RINL: variants seen among roughly 807,000 people sequenced by gnomAD.
The protein encoded by RINL is ras and Rab interactor-like protein.
In RINL, 39 loss-of-function variants were observed where a neutral mutation model predicts 58.1. The ratio of observed to expected loss-of-function variants is 0.67; its 90% CI spans 0.52 to 0.88. The LOEUF (loss-of-function observed/expected upper bound fraction) is 0.88, where lower values mean the gene tolerates loss of function less well. Among genes scored for constraint, RINL ranks in the 40% least tolerant of loss-of-function variants. The probability of loss-of-function intolerance (pLI) is 0.00; values close to 1 mark genes in which losing one functional copy is unlikely to be tolerated. For missense variants in RINL, 711 were observed against 749.2 expected, an observed-to-expected ratio of 0.95 and a Z score of 0.60; for synonymous variants, 286 against 323.1, an observed-to-expected ratio of 0.89 and a Z score of 1.23.
Position 38,868,835 on chromosome 19 carries a change from C to T in RINL, c.*269G>A, listed in dbSNP as rs1396518452. The T allele has an allele frequency of 2.8e-5, 11 of 389,996 alleles. No homozygotes were observed. Among genetic ancestry groups the T allele is most frequent in the Non-Finnish European group, 4.7e-5 (10 of 213,840 alleles). 24.2% of individuals were successfully genotyped at this position (389,996 alleles called of 1,614,324 possible). On this transcript the variant is annotated 3_prime_UTR_variant, in exon 12 of 12. Transcript: ENST00000591812. ...TAATACCCACTCTGCTCCTCCCTTC[C>T]CCTCCCCTCCTTCAGGCCTTTCTGC...
At chr19:38,871,279 T>C in intron 6 of RINL, 52 bp from the exon 7 acceptor site, 4 of 1,605,320 alleles carry the variant, frequency 2.5e-6, no homozygotes, top group Non-Finnish European at 3.4e-6. Context: ...GGACCAACCC[T>C]GGTCCCCTCA....
chr19:38,872,348 T>C (rs947407231), intron 4 of RINL, among the ~76,000 whole-genome samples: 4 of 150,368 alleles, frequency 2.7e-5, no homozygotes, highest in Admixed American at 2.7e-4. Context: ...TAGCTGGGCA[T>C]GGTGGTGGGC....
In RINL at chr19:38,876,682, A is replaced by G; in HGVS notation, c.50+11T>C. ...GGAAGGAGGGCATAGCCTCAGCCCTAGTAGCCTCACCTCACCCCCTCTGTG... is the reference window on the plus strand; with the variant it reads ...GGAAGGAGGGCATAGCCTCAGCCCTGGTAGCCTCACCTCACCCCCTCTGTG... On this transcript the variant is annotated intron_variant, in intron 2 of 11. Transcript: ENST00000591812. 1.3e-6 allele frequency: 2 copies of G among 1,535,486 alleles called. No homozygotes were observed. Among genetic ancestry groups the G allele is most frequent in the Non-Finnish European group, 1.7e-6 (2 of 1,146,326 alleles).
In RINL at chr19:38,869,777, C is replaced by G; in HGVS notation, c.1343-73G>C. 6.3e-7 allele frequency: 1 copy of G among 1,595,522 alleles called. No homozygotes were observed. The highest frequency in any genetic ancestry group is 1.1e-5 in the South Asian group (1 of 90,040). On this transcript the variant is annotated intron_variant, in intron 9 of 11. Coordinates refer to ENST00000591812, the MANE Select transcript of RINL (RefSeq NM_001195833.2). The surrounding 1 kb of genome is among the most constrained non-coding windows in gnomAD (Gnocchi z 5.7). Reference sequence around the variant, plus strand: ...CGCGTAGACACCTTCCATCCGATCCCCAGGACCACGAGGGCTGGCTGCCCC... The same window carrying G: ...CGCGTAGACACCTTCCATCCGATCCGCAGGACCACGAGGGCTGGCTGCCCC...
Position 38,876,349 on chromosome 19 carries a change from C to T in RINL, c.192G>A (p.Val64=), listed in dbSNP as rs1972924118. ...ELDTQDAEAL[V]GLWPLGSFLV... ...TACTCACCCCTAGTGGCCACAGCCC[C>T]ACAAGGGCCTCCGCATCCTGGGTAT... Residue 64 remains valine, a synonymous_variant, in exon 3 of 12, where the codon GTG becomes GTA. Coordinates refer to ENST00000591812, the MANE Select transcript of RINL (RefSeq NM_001195833.2). 6.5e-7 allele frequency: 1 copy of T among 1,535,992 alleles called. No individual in the cohort carries two copies. Among genetic ancestry groups the T allele is most frequent in the Non-Finnish European group, 8.7e-7 (1 of 1,146,886 alleles).
chr19:38,869,378 G>T lies in RINL; in HGVS notation c.1507C>A (p.Leu503Met). The T allele has an allele frequency of 1.2e-6, 2 of 1,610,780 alleles. No homozygotes were observed. The highest frequency in any genetic ancestry group is 1.7e-6 in the Non-Finnish European group (2 of 1,177,752). Residue 503 changes from leucine to methionine, a missense_variant, in exon 11 of 12, where the codon CTG (leucine) becomes ATG (methionine). By Grantham distance (15) the Leu-to-Met change is conservative. Coordinates refer to ENST00000591812, the MANE Select transcript of RINL (RefSeq NM_001195833.2). The surrounding 1 kb of genome is among the most constrained non-coding windows in gnomAD (Gnocchi z 5.7). ...GGCTGGTAGTGGGCAATGTGGTGCA[G>T]CGCCCCAAACCACGTGGTCAGGTAG... ...GYYLTTWFGA[L>M]HHIAHYQPET...
intron 3 of RINL, among the ~76,000 whole-genome samples, chr19:38,875,174 A>G (rs1312240541): frequency 6.6e-6 from 1 of 150,434 alleles, no homozygotes; most frequent in East Asian, 1.9e-4. Context: ...AAAATTAAAA[A>G]TATTGCTACC....
In RINL at chr19:38,869,476, A is replaced by C. The variant is rs1600088424; in HGVS notation, c.1475-66T>G. On this transcript the variant is annotated intron_variant, in intron 10 of 11. Transcript: ENST00000591812. This position sits in a 1 kb window ranked among gnomAD's most constrained non-coding sequence, Gnocchi z 5.7. ...CCCTGGTCGCCCCAAATCCCCCTGC[A>C]GTTTGCCTGCCGTCCCTCCTGCTGC... 3 of 1,581,678 alleles carry C rather than the reference A, an allele frequency of 1.9e-6. No individual in the cohort carries two copies. In the South Asian group the frequency reaches 3.4e-5, roughly 18 times the overall value.
intron 4 of RINL, 171 bp downstream of exon 4, chr19:38,873,715 G>T: frequency 1.9e-6 from 1 of 514,560 alleles, no homozygotes; most frequent in Non-Finnish European, 3.5e-6. Context: ...TTGTAGAGAC[G>T]GGGTTTTGCC....
chr19:38,872,731 G>A (rs2144644124), intron 4 of RINL, among the ~76,000 whole-genome samples: 1 of 152,192 alleles, frequency 6.6e-6, no homozygotes, highest in East Asian at 1.9e-4. Context: ...AAAATTGGGA[G>A]GTGGGGGCCT....
Position 38,870,136 on chromosome 19 carries a change from C to T in RINL, c.1149G>A (p.Leu383=). ...CCCCCGGAGGCCCCGCCCCCGCCCGCAGGGCTGTCTGTCGCCGCCGCAGCC... is the reference window on the plus strand; with the variant it reads ...CCCCCGGAGGCCCCGCCCCCGCCCGTAGGGCTGTCTGTCGCCGCCGCAGCC... ...LRRLRRRQTA[L]RAGAGPPGAQ... The change falls in exon 9 of 12, where the codon CTG becomes CTA. Residue 383 remains leucine, a synonymous_variant. Coordinates refer to ENST00000591812, the MANE Select transcript of RINL (RefSeq NM_001195833.2). This position sits in a 1 kb window ranked among gnomAD's most constrained non-coding sequence, Gnocchi z 5.8. 1 of 1,416,698 alleles carries T rather than the reference C, an allele frequency of 7.1e-7. No individual in the cohort carries two copies. Among genetic ancestry groups the T allele is most frequent in the East Asian group, 2.9e-5 (1 of 34,304 alleles). The allele number at this position is 1,416,698 out of a possible 1,614,324, so 87.8% of individuals were successfully genotyped here.
At chr19:38,872,469 A>G (rs1972835491) in intron 4 of RINL, among the ~76,000 whole-genome samples, 1 of 152,042 alleles carries the variant, frequency 6.6e-6, no homozygotes, top group African/African-American at 2.4e-5. Flanking sequence ...CTGGGCGACA[A>G]AAGTGAGACT....
chr19:38,870,523 G>T lies in RINL; in HGVS notation c.1024+47C>A, dbSNP rs1322997217. On this transcript the variant is annotated intron_variant, in intron 8 of 11. Transcript: ENST00000591812. This position sits in a 1 kb window ranked among gnomAD's most constrained non-coding sequence, Gnocchi z 5.8. Reference sequence around the variant, plus strand: ...TGTGCGCACCGATGGAGAGGACGAAGTTGCACACTTGAACCCGTGGGGGCT... The same window carrying T: ...TGTGCGCACCGATGGAGAGGACGAATTTGCACACTTGAACCCGTGGGGGCT... 2 of 1,509,846 alleles carry T rather than the reference G, an allele frequency of 1.3e-6. 1 individual carries two copies. Among genetic ancestry groups the T allele is most frequent in the South Asian group, 2.7e-5 (2 of 74,274 alleles). The allele number at this position is 1,509,846 out of a possible 1,614,324, so 93.5% of individuals were successfully genotyped here.
At chr19:38,875,226 T>C (rs182737464) in intron 3 of RINL, among the ~76,000 whole-genome samples, 13,175 of 148,852 alleles carry the variant, frequency 0.089, 590 homozygotes, top group South Asian at 0.19. Context: ...TTTTTTTTTT[T>C]TTTTAATAGA....
chr19:38,870,754 G>C lies in RINL; in HGVS notation c.840C>G (p.Ser280Arg), dbSNP rs765167795. The change falls in exon 8 of 12, where the codon AGC becomes AGG. Residue 280 changes from serine to arginine, a missense_variant. Coordinates refer to ENST00000591812, the MANE Select transcript of RINL (RefSeq NM_001195833.2). The surrounding 1 kb of genome is among the most constrained non-coding windows in gnomAD (Gnocchi z 5.8). ...RSSYVARQYR[S>R]LRVRIASDSG... Reference sequence around the variant, plus strand: ...AATCTGAGGCGATGCGCACCCGAAGGCTTCGGTACTGCCTGGCCACGTAGC... The same window carrying C: ...AATCTGAGGCGATGCGCACCCGAAGCCTTCGGTACTGCCTGGCCACGTAGC... 6.2e-7 allele frequency: 1 copy of C among 1,613,278 alleles called. No homozygotes were observed. Among genetic ancestry groups the C allele is most frequent in the South Asian group, 1.1e-5 (1 of 91,082 alleles).
intron 4 of RINL, among the ~76,000 whole-genome samples, chr19:38,873,037 C>T (rs576237832): frequency 4.6e-5 from 7 of 151,926 alleles, no homozygotes; most frequent in Non-Finnish European, 7.4e-5. Context: ...CACTGCACTC[C>T]GCCTGAGCGA....
Position 38,873,620 on chromosome 19 carries a change from G to C in RINL, c.313+266C>G, listed in dbSNP as rs1237760125. 3 of 304,542 alleles carry C rather than the reference G, an allele frequency of 9.9e-6. No homozygotes were observed. The East Asian group carries it at 2.0e-4, about 20-fold the overall frequency. The allele number at this position is 304,542 out of a possible 1,614,324, so 18.9% of individuals were successfully genotyped here. A position where few individuals can be genotyped will look rare whatever the true frequency, so the allele number is the denominator to read the frequency against. On this transcript the variant is annotated intron_variant, in intron 4 of 11. Transcript: ENST00000591812. ...GGCTCACTGCAACCTCTGCCTCCTG[G>C]GTTCAAGCTATTCTCGTGCCTCGGC...
In RINL at chr19:38,873,894, A is replaced by G. The variant is rs1387059864; in HGVS notation, c.305T>C (p.Ile102Thr). Residue 102 changes from isoleucine (I) to threonine (T), a missense_variant, in exon 4 of 12, where the codon ATT becomes ACT. Transcript: ENST00000591812. ...CAGGGGAGGTGCCTTACCTCTGGGA[A>G]TCTTCTGGATCTGGTAGGTATTGAC... is the stretch of plus-strand genomic sequence containing the variant. ...GEVNTYQIQK[I>T]PRGVSLESSN... 6 of 1,530,898 alleles carry G rather than the reference A, an allele frequency of 3.9e-6. No individual in the cohort carries two copies. The highest frequency in any genetic ancestry group is 3.9e-5 in the Admixed American group (2 of 50,958). 94.8% of individuals were successfully genotyped at this position (1,530,898 alleles called of 1,614,324 possible).
chr19:38,876,395 A>AC lies in RINL; in HGVS notation c.145dup (p.Val49GlyfsTer30). The AC allele has an allele frequency of 6.5e-7, 1 of 1,535,702 alleles. No individual in the cohort carries two copies. On this transcript the variant is annotated frameshift_variant, in exon 3 of 12. Coordinates refer to ENST00000591812, the MANE Select transcript of RINL (RefSeq NM_001195833.2). LOFTEE classifies it high-confidence loss of function. ...GGTATCCAGCTCTGGCACATGCCAC[A>AC]CCCCCCATGTCCTCTGCAGGCGAGT...
Sources: gnomAD v4.1 joint callset for allele counts (sites outside exome capture counted in the v4.1 genomes callset) on GRCh38, gnomAD v4.1.1 for gene constraint, Gnocchi (gnomAD v3.1) non-coding constraint, MANE v1.5 for transcripts, NCBI Gene and HGNC (gene_info 2026-07-23, HGNC 2026-07-21) for gene names.